SCN3A: variants seen among roughly 807,000 people sequenced by gnomAD.
SCN3A encodes sodium voltage-gated channel alpha subunit 3, also known as sodium channel protein type 3 subunit alpha.
In SCN3A, 60 loss-of-function variants were observed where a neutral mutation model predicts 187.6. The ratio of observed to expected loss-of-function variants is 0.32; its 90% CI spans 0.26 to 0.40. The LOEUF (loss-of-function observed/expected upper bound fraction) is 0.40. Ranked by LOEUF, SCN3A falls within the 10% of genes least tolerant of loss-of-function variation. SCN3A has a pLI of 1.00. For missense variants in SCN3A, 1,601 were observed against 2,428.2 expected, an observed-to-expected ratio of 0.66 and a Z score of 7.16; for synonymous variants, 788 against 829.2, an observed-to-expected ratio of 0.95 and a Z score of 0.85.
intron 12 of SCN3A, among the ~76,000 whole-genome samples, chr2:165,143,945 G>T (rs1688172092): frequency 6.6e-6 from 1 of 152,102 alleles, no homozygotes; most frequent in African/African-American, 2.4e-5. Flanking sequence ...TTAGCATTTT[G>T]AGGTTTCATT....
At chr2:165,093,044 G>A (rs1298459205) in intron 26 of SCN3A, 1 of 152,790 alleles carries the variant, frequency 6.5e-6, no homozygotes, top group Non-Finnish European at 1.5e-5. Context: ...GTGAGACCCT[G>A]TCTCTTAAAA....
At position 165,131,435 on chromosome 2, in the gene SCN3A, G is replaced by A. The variant is rs1687308961; in HGVS notation, c.2392-18C>T. 1 of 1,585,318 alleles carries A rather than the reference G, an allele frequency of 6.3e-7. No homozygotes were observed. The highest frequency in any genetic ancestry group is 8.6e-7 in the Non-Finnish European group (1 of 1,161,738). On this transcript the variant is annotated intron_variant, in intron 15 of 27. Transcript: ENST00000283254. The stretch of plus-strand genomic sequence containing the variant: ...GTAAAGACCTAAAAAATAGAGATCA[G>A]CACTACTTCAAGAGCACTGAAAAAC...
chr2:165,132,402 A>T (rs1687389105), intron 15 of SCN3A, among the ~76,000 whole-genome samples: 1 of 152,214 alleles, frequency 6.6e-6, no homozygotes, highest in Non-Finnish European at 1.5e-5. Flanking sequence ...TACAGTAACC[A>T]AAACAGCATG....
At chr2:165,180,247 T>C (rs943765828) in intron 2 of SCN3A, among the ~76,000 whole-genome samples, 12 of 152,218 alleles carry the variant, frequency 7.9e-5, no homozygotes, top group Non-Finnish European at 1.3e-4. Flanking sequence ...AAAATATTTA[T>C]GGAGGGATTC....
chr2:165,147,168 C>T (rs1688402213), intron 11 of SCN3A, 139 bp from the exon 12 acceptor site: 2 of 937,804 alleles, frequency 2.1e-6, no homozygotes, highest in Non-Finnish European at 3.2e-6. Flanking sequence ...TGTCTCACCA[C>T]AAGAGTTTAC....
chr2:165,101,900 A>G (rs899965481), intron 21 of SCN3A, among the ~76,000 whole-genome samples: 1 of 152,232 alleles, frequency 6.6e-6, no homozygotes, highest in African/African-American at 2.4e-5. Context: ...CATTTTAAGA[A>G]TTGAACAGAA....
At chr2:165,094,938 T>G (rs1051085179) in intron 25 of SCN3A, among the ~76,000 whole-genome samples, 1 of 152,076 alleles carries the variant, frequency 6.6e-6, no homozygotes, top group Non-Finnish European at 1.5e-5. Context: ...TATGTTGATA[T>G]GACAAAAAAA....
chr2:165,182,136 A>C (rs1429536388), intron 2 of SCN3A, among the ~76,000 whole-genome samples: 1 of 152,232 alleles, frequency 6.6e-6, no homozygotes, highest in Admixed American at 6.5e-5. Context: ...TTATTACGAA[A>C]GTAGTTTAGA....
chr2:165,113,845 A>G lies in SCN3A; in HGVS notation c.3640T>C (p.Phe1214Leu). 2 of 1,614,030 alleles carry G rather than the reference A, an allele frequency of 1.2e-6. No individual in the cohort carries two copies. The highest frequency in any genetic ancestry group is 1.7e-6 in the Non-Finnish European group (2 of 1,179,936). ...EHNWFETFIV[F>L]MILLSSGALA... ...GCACCACTACTGAGAAGGATCATGA[A>G]CACAATGAAAGTCTCAAACCAGTTG... Residue 1214 changes from phenylalanine to leucine, a missense_variant, in exon 20 of 28, where the codon TTC becomes CTC. Phe to Leu is a conservative substitution (Grantham distance 22). Around this residue, in one of 11 missense-constraint regions of SCN3A, gnomAD observed 267 missense variants for 313.2 expected, o/e 0.85. Transcript: ENST00000283254.
chr2:165,117,061 T>A (rs1035039301), intron 18 of SCN3A, among the ~76,000 whole-genome samples: 3 of 151,892 alleles, frequency 2.0e-5, no homozygotes, highest in African/African-American at 7.3e-5. Context: ...AGGATATTTT[T>A]ATTCATTTAA....
At chr2:165,153,276 T>C (rs747462967) in intron 11 of SCN3A, among the ~76,000 whole-genome samples, 2 of 152,298 alleles carry the variant, frequency 1.3e-5, no homozygotes, top group Non-Finnish European at 2.9e-5. Context: ...ATCACTCATA[T>C]GTTATACAAA....
At chr2:165,160,923 G>A (rs2014205) in intron 9 of SCN3A, among the ~76,000 whole-genome samples, 82,339 of 151,210 alleles carry the variant, frequency 0.54, 22,587 homozygotes, top group Middle Eastern at 0.58. Flanking sequence ...TTACAGGTGT[G>A]AGCCACCGCT....
intron 18 of SCN3A, among the ~76,000 whole-genome samples, chr2:165,121,408 C>A (rs1686668803): frequency 6.6e-6 from 1 of 152,014 alleles, no homozygotes; most frequent in Admixed American, 6.6e-5. Context: ...ATGGCAGTAC[C>A]ATTTAATTCT....
At chr2:165,105,294 G>A (rs1685794124) in intron 21 of SCN3A, among the ~76,000 whole-genome samples, 1 of 152,086 alleles carries the variant, frequency 6.6e-6, no homozygotes, top group Non-Finnish European at 1.5e-5. Context: ...CATTGTTGTT[G>A]GGTTTCCCTG....
chr2:165,154,992 G>A (rs2105863304), intron 10 of SCN3A, among the ~76,000 whole-genome samples: 1 of 152,238 alleles, frequency 6.6e-6, no homozygotes, highest in South Asian at 2.1e-4. Flanking sequence ...CTTTCAGTGG[G>A]ATTCCATTTG....
chr2:165,199,195 T>C (rs1467523211), intron 1 of SCN3A, among the ~76,000 whole-genome samples: 1 of 151,996 alleles, frequency 6.6e-6, no homozygotes, highest in Non-Finnish European at 1.5e-5. Flanking sequence ...AGAGTGACTT[T>C]GAATTCACCC....
intron 24 of SCN3A, 63 bp downstream of exon 24, chr2:165,096,404 A>C (rs1324044759): frequency 2.3e-6 from 3 of 1,330,500 alleles, no homozygotes; most frequent in Non-Finnish European, 2.2e-6. Context: ...CAGTGTTTAA[A>C]TTACCACCAA....
Position 165,154,538 on chromosome 2 carries a change from G to C in SCN3A, c.1294C>G (p.Gln432Glu). 1 of 1,614,120 alleles carries C rather than the reference G, an allele frequency of 6.2e-7. No homozygotes were observed. The highest frequency in any genetic ancestry group is 8.5e-7 in the Non-Finnish European group (1 of 1,180,020). The change falls in exon 11 of 28, where the codon CAG (glutamine) becomes GAG (glutamate). Residue 432 changes from glutamine (Q) to glutamate (E), a missense_variant. Physicochemically the swap from Gln to Glu is conservative, Grantham distance 29. Around this residue, in one of 11 missense-constraint regions of SCN3A, gnomAD observed 376 missense variants for 476.0 expected, o/e 0.79. Coordinates refer to ENST00000283254, the MANE Select transcript of SCN3A (RefSeq NM_006922.4). ...TGTTCTGCTTCTTCCAAGGTGGCCT[G>C]ATTCTGCTCCTCATAGGCCATGGCC... Reference protein sequence around the residue: ...VVAMAYEEQNQATLEEAEQKE... With the variant: ...VVAMAYEEQNEATLEEAEQKE...
chr2:165,127,340 C>T (rs1226616737), intron 18 of SCN3A, among the ~76,000 whole-genome samples: 1 of 152,106 alleles, frequency 6.6e-6, no homozygotes, highest in Non-Finnish European at 1.5e-5. Flanking sequence ...GGATTACAGG[C>T]ATGAGCCACC....
Sources: allele counts gnomAD v4.1 joint callset (sites outside exome capture counted in the v4.1 genomes callset), GRCh38; gene constraint gnomAD v4.1.1; regional missense constraint gnomAD v4.1.1; transcripts MANE v1.5; gene names NCBI Gene and HGNC (gene_info 2026-07-23, HGNC 2026-07-21).